Variants in ATP8B4 observed in about 807,000 individuals in gnomAD.
ATP8B4 encodes ATPase phospholipid transporting 8B4 (putative), also known as probable phospholipid-transporting ATPase IM.
A neutral mutation model predicts 145.6 loss-of-function variants in ATP8B4; 133 were observed. The ratio of observed to expected loss-of-function variants is 0.91; its 90% CI spans 0.79 to 1.05. ATP8B4 has a LOEUF of 1.05. Ranked by LOEUF, ATP8B4 falls within the 50% of genes least tolerant of loss-of-function variation. ATP8B4 has a pLI of 0.00. For synonymous variants in ATP8B4, 507 were observed against 492.9 expected, an observed-to-expected ratio of 1.03 and a Z score of -0.38; for missense variants, 1,458 against 1,425.2, an observed-to-expected ratio of 1.02 and a Z score of -0.37.
intron 1 of ATP8B4, among the ~76,000 whole-genome samples, chr15:50,117,974 A>C (rs933488911): frequency 6.6e-6 from 1 of 152,198 alleles, no homozygotes; most frequent in African/African-American, 2.4e-5. Flanking sequence ...GTAGAGAGGG[A>C]GAATGGTGGT....
intron 1 of ATP8B4, among the ~76,000 whole-genome samples, chr15:50,139,688 T>C (rs2044181047): frequency 6.6e-6 from 1 of 152,210 alleles, no homozygotes; most frequent in Admixed American, 6.5e-5. Context: ...GTTCAGGCAT[T>C]AAGTAGTTCT....
At chr15:50,165,907 A>G (rs1052996575) in intron 1 of ATP8B4, among the ~76,000 whole-genome samples, 4 of 151,932 alleles carry the variant, frequency 2.6e-5, no homozygotes, top group Non-Finnish European at 5.9e-5. Flanking sequence ...TAATGACCCC[A>G]AATTTTTCCA....
chr15:49,892,134 TAA>T (rs1258613017), intron 23 of ATP8B4, among the ~76,000 whole-genome samples: 1 of 151,104 alleles, frequency 6.6e-6, no homozygotes, highest in Non-Finnish European at 1.5e-5. Flanking sequence ...AAAAAAATCT[TAA>T]AAGTCTATAG....
At chr15:50,173,178 A>T (rs2044712559) in intron 1 of ATP8B4, among the ~76,000 whole-genome samples, 1 of 151,576 alleles carries the variant, frequency 6.6e-6, no homozygotes, top group South Asian at 2.1e-4. Flanking sequence ...CCCGGCCGCC[A>T]CCCCGTCTGG....
intron 1 of ATP8B4, among the ~76,000 whole-genome samples, chr15:50,114,112 T>TTTTTTTC (rs2057085572): frequency 1.4e-5 from 2 of 139,484 alleles, no homozygotes; most frequent in Non-Finnish European, 3.1e-5. Flanking sequence ...TCTTTTTTTT[T>TTTTTTTC]TTTTTTTTTT....
chr15:50,131,223 G>T (rs1165989753), intron 1 of ATP8B4, among the ~76,000 whole-genome samples: 1 of 152,110 alleles, frequency 6.6e-6, no homozygotes, highest in East Asian at 1.9e-4. Flanking sequence ...AATGAGATTT[G>T]GATGGGGACA....
chr15:50,003,958 A>T (rs1376895817), intron 7 of ATP8B4, among the ~76,000 whole-genome samples: 2 of 152,144 alleles, frequency 1.3e-5, no homozygotes, highest in African/African-American at 4.8e-5. Flanking sequence ...AGCTTCCCAC[A>T]GGCTGACCCC....
intron 1 of ATP8B4, among the ~76,000 whole-genome samples, chr15:50,138,420 T>G (rs1595637579): frequency 7.8e-6 from 1 of 128,316 alleles, no homozygotes; most frequent in African/African-American, 3.6e-5. Context: ...GATAGATAGA[T>G]AGAGAGATAG....
At chr15:50,073,459 C>A (rs1052969419) in intron 3 of ATP8B4, among the ~76,000 whole-genome samples, 2 of 152,070 alleles carry the variant, frequency 1.3e-5, no homozygotes, top group Admixed American at 6.6e-5. Flanking sequence ...TGTATATGTG[C>A]CACATTTTCT....
chr15:50,018,134 T>C (rs1336566455), intron 6 of ATP8B4, among the ~76,000 whole-genome samples: 1 of 151,982 alleles, frequency 6.6e-6, no homozygotes, highest in Non-Finnish European at 1.5e-5. Flanking sequence ...ATTACAGACA[T>C]GCATCACCAC....
At chr15:49,966,659 G>A (rs953989099) in intron 13 of ATP8B4, among the ~76,000 whole-genome samples, 3 of 152,188 alleles carry the variant, frequency 2.0e-5, no homozygotes, top group East Asian at 3.9e-4. Flanking sequence ...CTGGGACAGC[G>A]CACCTGGGGG....
chr15:49,949,852 G>A (rs1053557735), intron 14 of ATP8B4, among the ~76,000 whole-genome samples: 6 of 152,064 alleles, frequency 3.9e-5, no homozygotes, highest in East Asian at 3.9e-4. Flanking sequence ...CTAGCTTATC[G>A]AGAGTTTTTA....
chr15:49,918,800 C>T (rs1349531365), intron 19 of ATP8B4, 39 bp downstream of exon 19: 1 of 1,455,668 alleles, frequency 6.9e-7, no homozygotes, highest in African/African-American at 1.4e-5. Flanking sequence ...AGTCATCTCC[C>T]CATTTTCAAA....
intron 20 of ATP8B4, 135 bp downstream of exon 20, chr15:49,916,799 C>T: frequency 1.4e-6 from 1 of 691,250 alleles, no homozygotes; most frequent in Non-Finnish European, 2.2e-6. Context: ...GTTTAGGAAA[C>T]ATGCACAAAG....
chr15:50,123,365 C>A (rs943648939), upstream of ATP8B4, among the ~76,000 whole-genome samples: 11 of 152,180 alleles, frequency 7.2e-5, no homozygotes, highest in Non-Finnish European at 5.9e-5. Flanking sequence ...ACCTAGGGAC[C>A]AGTCTGCCTT....
At chr15:50,168,617 C>T (rs1180590412) in intron 1 of ATP8B4, among the ~76,000 whole-genome samples, 1 of 152,060 alleles carries the variant, frequency 6.6e-6, no homozygotes, top group Non-Finnish European at 1.5e-5. Flanking sequence ...GGTAAAAGTC[C>T]ACAGGGAGAA....
At chr15:50,146,494 A>C (rs1298125600) in intron 1 of ATP8B4, among the ~76,000 whole-genome samples, 1 of 152,206 alleles carries the variant, frequency 6.6e-6, no homozygotes, top group East Asian at 1.9e-4. Context: ...GGAATATTCT[A>C]AGGATAATAA....
At chr15:49,952,469 C>G (rs2043188888) in intron 14 of ATP8B4, among the ~76,000 whole-genome samples, 1 of 152,056 alleles carries the variant, frequency 6.6e-6, no homozygotes, top group South Asian at 2.1e-4. Flanking sequence ...GATATCCTTT[C>G]TTCTGTTTAG....
At chr15:49,879,505 G>C in intron 23 of ATP8B4, 46 bp from the exon 24 acceptor site, 1 of 1,486,860 alleles carries the variant, frequency 6.7e-7, no homozygotes, top group Non-Finnish European at 9.2e-7. Flanking sequence ...ATCCATAGTA[G>C]TGAGAATATT....
Sources: gnomAD v4.1 joint callset for allele counts (sites outside exome capture counted in the v4.1 genomes callset) on GRCh38, gnomAD v4.1.1 for gene constraint, MANE v1.5 for transcripts, NCBI Gene and HGNC (gene_info 2026-07-23, HGNC 2026-07-21) for gene names.